LRBA: variants seen among roughly 807,000 people sequenced by gnomAD.
LRBA encodes LPS responsive beige-like anchor protein.
LRBA carries 176 observed loss-of-function variants against 330.0 expected under a neutral mutation model. That is an observed-to-expected ratio of 0.53 (90% CI 0.47 to 0.60). LRBA has a LOEUF of 0.60. LRBA is among the 20% of genes least tolerant of loss of function. The pLI is 0.00. For synonymous variants in LRBA, 1,230 were observed against 1,193.0 expected, an observed-to-expected ratio of 1.03 and a Z score of -0.64; for missense variants, 3,259 against 3,444.8, an observed-to-expected ratio of 0.95 and a Z score of 1.35.
rs10528461 is a variant in LRBA, at chr4:150,622,688, C to CTT, written c.5922-23559_5922-23558dup. 1.9e-3 allele frequency among the ~76,000 whole-genome samples: 205 copies of CTT among 105,620 alleles called. 13 individuals carry two copies. Among genetic ancestry groups the CTT allele is most frequent in the African/African-American group, 5.7e-3 (138 of 24,098 alleles). The allele number at this position is 105,620 out of a possible 152,430, so 69.3% of individuals were successfully genotyped here. On this transcript the variant is annotated intron_variant, in intron 37 of 56. Transcript: ENST00000651943. ...GAAGACAACAGTCACCTAAATCAAT[C>CTT]TTTTTTTTTTTTTTTTTTTTTTTTT...
At chr4:150,617,159 G>A (rs1480401716) in intron 37 of LRBA, among the ~76,000 whole-genome samples, 1 of 152,080 alleles carries the variant, frequency 6.6e-6, no homozygotes, top group Non-Finnish European at 1.5e-5. Context: ...TCATTGATGG[G>A]AGCTGAAATA....
At chr4:150,274,963 A>G (rs1746570786) in intron 56 of LRBA, among the ~76,000 whole-genome samples, 1 of 152,216 alleles carries the variant, frequency 6.6e-6, no homozygotes, top group African/African-American at 2.4e-5. Context: ...AAAACCTGGC[A>G]GAGACACAAG....
chr4:150,970,556 T>TGTGTGTGTAC (rs1166996824), intron 2 of LRBA: 10 of 41,688 alleles, frequency 2.4e-4, no homozygotes, highest in African/African-American at 6.4e-4. Context: ...TGTGTGTGTG[T>TGTGTGTGTAC]ACACACACAC....
intron 47 of LRBA, among the ~76,000 whole-genome samples, chr4:150,373,174 A>T (rs28559648): frequency 0.039 from 4,340 of 112,184 alleles, 53 homozygotes; most frequent in East Asian, 0.12. Flanking sequence ...TGTGTGTGTG[A>T]GAGAGAGAGA....
intron 40 of LRBA, among the ~76,000 whole-genome samples, chr4:150,521,521 C>T (rs776868091): frequency 5.9e-5 from 9 of 152,146 alleles, no homozygotes; most frequent in Non-Finnish European, 1.3e-4. Context: ...TCCCACAGTG[C>T]TGGGATTACA....
chr4:150,445,637 T>C (rs967750654), intron 44 of LRBA, among the ~76,000 whole-genome samples: 1 of 151,962 alleles, frequency 6.6e-6, no homozygotes, highest in Non-Finnish European at 1.5e-5. Flanking sequence ...TAAATTGCTT[T>C]TTGGAAAAAA....
chr4:150,661,078 TAAA>T (rs559512113), intron 37 of LRBA, among the ~76,000 whole-genome samples: 3,135 of 102,592 alleles, frequency 0.031, 102 homozygotes, highest in African/African-American at 0.089. Flanking sequence ...AAAAATAAAT[TAAA>T]AAAAAAAAAA....
At chr4:150,392,295 T>C (rs1392156347) in intron 47 of LRBA, among the ~76,000 whole-genome samples, 2 of 152,188 alleles carry the variant, frequency 1.3e-5, no homozygotes, top group Non-Finnish European at 2.9e-5. Context: ...GGCCAGTTTC[T>C]AGTAAGAGCC....
intron 22 of LRBA, among the ~76,000 whole-genome samples, chr4:150,862,722 A>G (rs1034781155): frequency 5.3e-5 from 8 of 151,722 alleles, no homozygotes; most frequent in African/African-American, 1.9e-4. Flanking sequence ...CACGCCTGTA[A>G]TCCTAACACT....
In LRBA at chr4:150,297,773, T is replaced by C. The variant is rs1560979773; in HGVS notation, c.8017+4852A>G. Among the ~76,000 whole-genome samples the C allele has an allele frequency of 3.3e-5, 5 of 152,354 alleles. No homozygotes were observed. In the South Asian group the frequency reaches 8.3e-4, roughly 25 times the overall value. On this transcript the variant is annotated intron_variant, in intron 53 of 56. Coordinates refer to ENST00000651943, the MANE Select transcript of LRBA (RefSeq NM_001364905.1). ...TGTGATCAAGAAGCTAACAAGTTTATTTCATCACCAACTGTGGTGCTTTGT... is the reference window on the plus strand; with the variant it reads ...TGTGATCAAGAAGCTAACAAGTTTACTTCATCACCAACTGTGGTGCTTTGT...
intron 40 of LRBA, among the ~76,000 whole-genome samples, chr4:150,531,749 G>A (rs1581597796): frequency 2.0e-5 from 3 of 152,284 alleles, no homozygotes; most frequent in South Asian, 4.1e-4. Context: ...TACAAAATAT[G>A]AAACTGAAAA....
chr4:150,841,642 A>C (rs1319898500), intron 28 of LRBA, among the ~76,000 whole-genome samples: 2 of 150,980 alleles, frequency 1.3e-5, no homozygotes, highest in East Asian at 3.9e-4. Context: ...TTTTCTTTTT[A>C]TTTTTTAAAT....
chr4:150,266,406 A>G (rs1333241355), intron 56 of LRBA, among the ~76,000 whole-genome samples: 1 of 152,232 alleles, frequency 6.6e-6, no homozygotes, highest in African/African-American at 2.4e-5. Context: ...CACCGAAATC[A>G]CTGAAGATAA....
chr4:150,414,871 C>G (rs1747510168), intron 47 of LRBA, among the ~76,000 whole-genome samples: 1 of 152,134 alleles, frequency 6.6e-6, no homozygotes, highest in South Asian at 2.1e-4. Context: ...AAGGAAAAGT[C>G]ATATTAGTGT....
At chr4:150,553,354 T>A (rs1208910281) in intron 40 of LRBA, among the ~76,000 whole-genome samples, 1 of 151,746 alleles carries the variant, frequency 6.6e-6, no homozygotes, top group Non-Finnish European at 1.5e-5. Flanking sequence ...CATTAGGAGA[T>A]ATACCTAATG....
At chr4:150,917,463 A>G (rs1732760570) in intron 5 of LRBA, among the ~76,000 whole-genome samples, 1 of 152,198 alleles carries the variant, frequency 6.6e-6, no homozygotes, top group African/African-American at 2.4e-5. Flanking sequence ...AAAACTGGGT[A>G]TATGCTGCTT....
intron 36 of LRBA, among the ~76,000 whole-genome samples, chr4:150,711,409 T>C (rs1401271636): frequency 6.6e-6 from 1 of 151,750 alleles, no homozygotes; most frequent in East Asian, 1.9e-4. Context: ...CTAATTTTTT[T>C]GTATTTTTAG....
intron 22 of LRBA, among the ~76,000 whole-genome samples, chr4:150,855,369 T>C (rs1751101603): frequency 6.6e-6 from 1 of 152,198 alleles, no homozygotes; most frequent in African/African-American, 2.4e-5. Context: ...AGTTACATAT[T>C]ACCAACCTCA....
At position 150,828,310 on chromosome 4, in the gene LRBA, T is replaced by C. The variant is rs1746580744; in HGVS notation, c.5041A>G (p.Ile1681Val). 1 of 1,614,182 alleles carries C rather than the reference T, an allele frequency of 6.2e-7. No individual in the cohort carries two copies. Among genetic ancestry groups the C allele is most frequent in the African/African-American group, 1.3e-5 (1 of 75,062 alleles). ...SVSKNVNVKDILRSLVNIPAD... is the reference protein window; with the variant it reads ...SVSKNVNVKDVLRSLVNIPAD... ...GGTATGTTAACCAAGCTTCGGAGAA[T>C]GTCTTTCACATTGACGTTTTTTGAA... Residue 1681 changes from isoleucine to valine, a missense_variant, in exon 30 of 57, where the codon ATT (isoleucine) becomes GTT (valine). Transcript: ENST00000651943.
Sources: gnomAD v4.1 joint callset for allele counts (sites outside exome capture counted in the v4.1 genomes callset) on GRCh38, gnomAD v4.1.1 for gene constraint, MANE v1.5 for transcripts, NCBI Gene and HGNC (gene_info 2026-07-23, HGNC 2026-07-21) for gene names.